The following MED28 variants were observed in gnomAD, a reference collection of about 807,000 sequenced individuals.
MED28 encodes the protein mediator complex subunit 28.
A neutral mutation model predicts 21.3 loss-of-function variants in MED28; 26 were observed. That is an observed-to-expected ratio of 1.22 (90% CI 0.89 to 1.69). The LOEUF (loss-of-function observed/expected upper bound fraction) is 1.69. Among genes scored for constraint, MED28 ranks in the 40% most tolerant of loss-of-function variants. The probability of loss-of-function intolerance (pLI) is 0.00; values close to 1 mark genes in which losing one functional copy is unlikely to be tolerated. For missense variants in MED28, 257 were observed against 215.4 expected, an observed-to-expected ratio of 1.19 and a Z score of -1.21; for synonymous variants, 110 against 87.6, an observed-to-expected ratio of 1.26 and a Z score of -1.43.
chr4:17,620,692 C>CTTTTTT (rs146604205), intron 2 of MED28, among the ~76,000 whole-genome samples: 95 of 108,842 alleles, frequency 8.7e-4, no homozygotes, highest in East Asian at 5.4e-3. Context: ...TGCATTGTCT[C>CTTTTTT]TTTTTTTTTT....
Position 17,625,845 on chromosome 4 carries a change from G to A in MED28, c.*2047G>A, listed in dbSNP as rs1659471014. On this transcript the variant is annotated 3_prime_UTR_variant, in exon 4 of 4. Transcript: ENST00000237380. ...GAGACTCCTGCTGTGATTGTCCAGG[G>A]GTACGTTCTGGTCTGGCTTGGTGCT... The A allele has an allele frequency of 3.5e-6, 1 of 284,652 alleles. No homozygotes were observed. The highest frequency in any genetic ancestry group is 2.2e-5 in the African/African-American group (1 of 44,802). The allele number at this position is 284,652 out of a possible 1,614,324, so 17.6% of individuals were successfully genotyped here.
rs1163955573 is a variant in MED28, at chr4:17,627,186, C to G, written c.*3388C>G. The G allele has an allele frequency of 1.3e-5, 2 of 152,118 alleles. No individual in the cohort carries two copies. Among genetic ancestry groups the G allele is most frequent in the Non-Finnish European group, 1.5e-5 (1 of 68,126 alleles). The allele number at this position is 152,118 out of a possible 1,614,324, so 9.4% of individuals were successfully genotyped here. ...TTGGTCAGGATGGTCTCAATCTGACCTCGTGATCCGCCTGCCTCTGCCTCC... is the reference window on the plus strand; with the variant it reads ...TTGGTCAGGATGGTCTCAATCTGACGTCGTGATCCGCCTGCCTCTGCCTCC... On this transcript the variant is annotated 3_prime_UTR_variant, in exon 4 of 4. Transcript: ENST00000237380.
chr4:17,619,866 G>A (rs761267244), intron 1 of MED28, 35 bp from the exon 2 acceptor site: 1 of 1,589,858 alleles, frequency 6.3e-7, no homozygotes, highest in Admixed American at 1.7e-5. Context: ...ATGTATAAAT[G>A]ATATTTTTTT....
chr4:17,633,589 G>A lies in MED28; in HGVS notation c.*9791G>A. ...CTTGTCTAATCATCCATGAAAAAAG[G>A]CCTTCTGGAATTTGGTACCAGGTGC... On this transcript the variant is annotated 3_prime_UTR_variant, in exon 4 of 4. Transcript: ENST00000237380. 1 of 1,100,880 alleles carries A rather than the reference G, an allele frequency of 9.1e-7. No homozygotes were observed. The highest frequency in any genetic ancestry group is 1.2e-6 in the Non-Finnish European group (1 of 812,708). The allele number at this position is 1,100,880 out of a possible 1,614,324, so 68.2% of individuals were successfully genotyped here.
intron 1 of MED28, among the ~76,000 whole-genome samples, chr4:17,616,998 C>T (rs564785171): frequency 2.8e-4 from 42 of 152,300 alleles, no homozygotes; most frequent in Admixed American, 4.6e-4. Context: ...TTGTAATAAA[C>T]GGCAGGCAGT....
In MED28 at chr4:17,625,246, A is replaced by C. The variant is rs1246965997; in HGVS notation, c.*1448A>C. The C allele has an allele frequency of 6.5e-6, 1 of 154,038 alleles. No individual in the cohort carries two copies. The highest frequency in any genetic ancestry group is 6.5e-5 in the Admixed American group (1 of 15,320). The allele number at this position is 154,038 out of a possible 1,614,324, so 9.5% of individuals were successfully genotyped here. On this transcript the variant is annotated 3_prime_UTR_variant, in exon 4 of 4. Transcript: ENST00000237380. ...ATGAGAATTAGACATTATTCTCCTT[A>C]AATATATAAGGACCATATAATCTGT...
chr4:17,620,807 G>C (rs755041263), intron 2 of MED28, among the ~76,000 whole-genome samples: 3 of 149,832 alleles, frequency 2.0e-5, no homozygotes, highest in Non-Finnish European at 3.0e-5. Context: ...GGCTGAAGCA[G>C]TCCTCCCATT....
chr4:17,614,706 C>T lies in MED28; in HGVS notation c.52C>T (p.Gln18Ter), dbSNP rs1467250189. The T allele has an allele frequency of 2.5e-6, 4 of 1,614,100 alleles. No homozygotes were observed. Among genetic ancestry groups the T allele is most frequent in the African/African-American group, 1.3e-5 (1 of 74,950 alleles). The change falls in exon 1 of 4, where the codon CAG (glutamine) becomes TAG (stop). Residue 18 changes from glutamine (Q) to a stop codon, truncating the protein, a stop_gained. Transcript: ENST00000237380. LOFTEE classifies it high-confidence loss of function. Reference sequence around the variant, plus strand: ...TTCTGGGCAGCCACCCGGTCCCCCTCAGGCCCCGCCGGGCCTTCCGGGCCA... The same window carrying T: ...TTCTGGGCAGCCACCCGGTCCCCCTTAGGCCCCGCCGGGCCTTCCGGGCCA... The part of the protein sequence containing the change: ...MFSGQPPGPP[Q>*]APPGLPGQAS...
In MED28 at chr4:17,621,700, G is replaced by T; in HGVS notation, c.339+1G>T. 6.3e-7 allele frequency: 1 copy of T among 1,596,396 alleles called. No homozygotes were observed. Among genetic ancestry groups the T allele is most frequent in the South Asian group, 1.1e-5 (1 of 87,848 alleles). On this transcript the variant is annotated splice_donor_variant, in intron 3 of 3. Coordinates refer to ENST00000237380, the MANE Select transcript of MED28 (RefSeq NM_025205.5). LOFTEE classifies it high-confidence loss of function. ...GAAACCAGAGCAAGTTATCAAAGAGGTATGAACTCAGTTTTCTCCTCAGCT... is the reference window on the plus strand; with the variant it reads ...GAAACCAGAGCAAGTTATCAAAGAGTTATGAACTCAGTTTTCTCCTCAGCT...
intron 2 of MED28, among the ~76,000 whole-genome samples, chr4:17,621,020 T>TTTG (rs1714612737): frequency 6.7e-6 from 1 of 148,718 alleles, no homozygotes; most frequent in South Asian, 2.1e-4. Flanking sequence ...TGCCTTGTGT[T>TTTG]TTTTTTTTTT....
chr4:17,617,674 A>G (rs529059734), intron 1 of MED28, among the ~76,000 whole-genome samples: 5 of 152,216 alleles, frequency 3.3e-5, no homozygotes, highest in Non-Finnish European at 5.9e-5. Context: ...TGGGAGGCCA[A>G]GGTGGCTGGA....
intron 2 of MED28, among the ~76,000 whole-genome samples, chr4:17,620,655 A>G (rs943729252): frequency 7.6e-5 from 11 of 145,678 alleles, no homozygotes; most frequent in African/African-American, 2.3e-4. Context: ...TTTTAACTGT[A>G]AATTATGATG....
In MED28 at chr4:17,624,058, GAC is replaced by G. The variant is rs1714710178; in HGVS notation, c.*264_*265del. The stretch of plus-strand genomic sequence containing the variant: ...GCAAAGTTTAGACTGTGAATATGAT[GAC>G]ACAGATTCTTTTTTATGGTGGCTTT... On this transcript the variant is annotated 3_prime_UTR_variant, in exon 4 of 4. Transcript: ENST00000237380. 1.6e-5 allele frequency: 7 copies of G among 445,922 alleles called. 1 individual carries two copies. Among genetic ancestry groups the G allele is most frequent in the Non-Finnish European group, 8.1e-6 (2 of 248,002 alleles). 27.6% of individuals were successfully genotyped at this position (445,922 alleles called of 1,614,324 possible). A position where few individuals can be genotyped will look rare whatever the true frequency, so the allele number is the denominator to read the frequency against.
Position 17,621,659 on chromosome 4 carries a change from T to G in MED28, c.299T>G (p.Leu100Trp). 6.2e-7 allele frequency: 1 copy of G among 1,611,636 alleles called. No homozygotes were observed. ...QTECFFLQKR[L>W]QLSVQKPEQV... ...GAATGTTTTTTCTTACAAAAAAGAT[T>G]GCAGTTATCTGTCCAGAAACCAGAG... is the stretch of plus-strand genomic sequence containing the variant. Residue 100 changes from leucine to tryptophan, a missense_variant, in exon 3 of 4, where the codon TTG (leucine) becomes TGG (tryptophan). Transcript: ENST00000237380.
intron 3 of MED28, among the ~76,000 whole-genome samples, chr4:17,623,138 C>T (rs1394909753): frequency 6.6e-6 from 1 of 151,938 alleles, no homozygotes; most frequent in Admixed American, 6.6e-5. Flanking sequence ...TGGTGGCTCA[C>T]GCCTGTAATC....
At position 17,632,542 on chromosome 4, in the gene MED28, A is replaced by G; in HGVS notation, c.*8744A>G. 1 of 1,550,826 alleles carries G rather than the reference A, an allele frequency of 6.4e-7. No individual in the cohort carries two copies. Among genetic ancestry groups the G allele is most frequent in the Non-Finnish European group, 8.7e-7 (1 of 1,146,340 alleles). ...ATCCCAAAGGTTAGCTTAGAAAGAA[A>G]AGTACTTGGTGAACCATTCCTGGTG... On this transcript the variant is annotated 3_prime_UTR_variant, in exon 4 of 4. Transcript: ENST00000237380.
In MED28 at chr4:17,630,622, G is replaced by A. The variant is rs993302698; in HGVS notation, c.*6824G>A. 1 of 152,264 alleles carries A rather than the reference G, an allele frequency of 6.6e-6. No homozygotes were observed. Among genetic ancestry groups the A allele is most frequent in the South Asian group, 2.1e-4 (1 of 4,828 alleles). The allele number at this position is 152,264 out of a possible 1,614,324, so 9.4% of individuals were successfully genotyped here. On this transcript the variant is annotated 3_prime_UTR_variant, in exon 4 of 4. Coordinates refer to ENST00000237380, the MANE Select transcript of MED28 (RefSeq NM_025205.5). ...TGAACGAACTAAGACACTCTAAGCG[G>A]GAAACTCACAAAAAATATTTGGTAG...
In MED28 at chr4:17,630,743, C is replaced by G. The variant is rs777628791; in HGVS notation, c.*6945C>G. 2 of 150,558 alleles carry G rather than the reference C, an allele frequency of 1.3e-5. No individual in the cohort carries two copies. The highest frequency in any genetic ancestry group is 2.9e-5 in the Non-Finnish European group (2 of 67,836). The allele number at this position is 150,558 out of a possible 1,614,324, so 9.3% of individuals were successfully genotyped here. ...CGTTTTGATTAGGCAGTAAATTTAC[C>G]TTTAATACGTAAGTTTGACAGTTAT... On this transcript the variant is annotated 3_prime_UTR_variant, in exon 4 of 4. Transcript: ENST00000237380.
chr4:17,627,560 C>T lies in MED28; in HGVS notation c.*3762C>T, dbSNP rs1714800933. 6.6e-6 allele frequency: 1 copy of T among 152,336 alleles called. No individual in the cohort carries two copies. The highest frequency in any genetic ancestry group is 2.1e-4 in the South Asian group (1 of 4,826). The allele number at this position is 152,336 out of a possible 1,614,324, so 9.4% of individuals were successfully genotyped here. A position where few individuals can be genotyped will look rare whatever the true frequency, so the allele number is the denominator to read the frequency against. On this transcript the variant is annotated 3_prime_UTR_variant, in exon 4 of 4. Transcript: ENST00000237380. The stretch of plus-strand genomic sequence containing the variant: ...AGTCCTCCCTTCAAGAAAGCAGCTT[C>T]AAGGAGTTCAATTACAAAAGCTCCT...
Sources: gnomAD v4.1 joint callset for allele counts (sites outside exome capture counted in the v4.1 genomes callset) on GRCh38, gnomAD v4.1.1 for gene constraint, MANE v1.5 for transcripts, NCBI Gene and HGNC (gene_info 2026-07-23, HGNC 2026-07-21) for gene names.